The following SLC9C1 variants were observed in gnomAD, a reference collection of about 807,000 sequenced individuals.
SLC9C1 encodes solute carrier family 9 member C1, also known as sodium/hydrogen exchanger 10.
Under a neutral mutation model 140.9 loss-of-function variants are expected in SLC9C1, and 97 were observed. The ratio of observed to expected loss-of-function variants is 0.69; its 90% CI spans 0.58 to 0.82. The LOEUF is 0.82. Ranked by LOEUF, SLC9C1 falls within the 40% of genes least tolerant of loss-of-function variation. The probability of loss-of-function intolerance (pLI) is 0.00; values close to 1 mark genes in which losing one functional copy is unlikely to be tolerated. For missense variants in SLC9C1, 1,340 were observed against 1,389.3 expected (o/e 0.96, Z 0.56); for synonymous variants, 440 against 442.6 (o/e 0.99, Z 0.07).
In SLC9C1 at chr3:112,199,314, GCCTTA is replaced by G. The variant is rs779647963; in HGVS notation, c.2523+2_2523+6del. On this transcript the variant is annotated splice_donor_variant and splice_donor_5th_base_variant and intron_variant, in intron 20 of 28. Coordinates refer to ENST00000305815, the MANE Select transcript of SLC9C1 (RefSeq NM_183061.3). LOFTEE classifies it high-confidence loss of function. ...AATATACTTGCTTTGAAAATATTTT[GCCTTA>G]CCTTATTAATTCCAGCACCTTCAGT... 6.5e-7 allele frequency: 1 copy of G among 1,547,046 alleles called. No homozygotes were observed. Among genetic ancestry groups the G allele is most frequent in the Non-Finnish European group, 8.7e-7 (1 of 1,149,572 alleles).
intron 26 of SLC9C1, among the ~76,000 whole-genome samples, chr3:112,160,125 T>C (rs1465370867): frequency 1.3e-5 from 2 of 151,878 alleles, no homozygotes; most frequent in Non-Finnish European, 2.9e-5. Context: ...TCTAGTTGTT[T>C]TGTAACTATT....
intron 26 of SLC9C1, among the ~76,000 whole-genome samples, chr3:112,163,908 A>G (rs2075384822): frequency 6.6e-6 from 1 of 152,068 alleles, no homozygotes; most frequent in South Asian, 2.1e-4. Context: ...TGGGAGTCTA[A>G]GTCTCTTTGT....
At chr3:112,293,296 A>ATC (rs1362478037) in intron 1 of SLC9C1, among the ~76,000 whole-genome samples, 20 of 147,624 alleles carry the variant, frequency 1.4e-4, no homozygotes, top group Admixed American at 1.2e-3. Flanking sequence ...ATATATATAT[A>ATC]TCTCTCATGT....
intron 15 of SLC9C1, among the ~76,000 whole-genome samples, chr3:112,211,337 C>G (rs1389667903): frequency 1.3e-5 from 2 of 152,184 alleles, no homozygotes; most frequent in Non-Finnish European, 2.9e-5. Context: ...GTTCATCTCA[C>G]TGGGGCTTGT....
At chr3:112,248,338 G>A (rs549902305) in intron 10 of SLC9C1, among the ~76,000 whole-genome samples, 4 of 152,232 alleles carry the variant, frequency 2.6e-5, no homozygotes, top group African/African-American at 9.6e-5. Flanking sequence ...GAGGCACTCA[G>A]TTAATTTATA....
intron 22 of SLC9C1, among the ~76,000 whole-genome samples, chr3:112,180,350 C>T (rs2077416172): frequency 6.6e-6 from 1 of 151,990 alleles, no homozygotes; most frequent in Non-Finnish European, 1.5e-5. Context: ...GGTGAAACCC[C>T]GTTTCCACTA....
chr3:112,218,667 A>G (rs79310601), intron 14 of SLC9C1, among the ~76,000 whole-genome samples: 15,852 of 152,258 alleles, frequency 0.1, 889 homozygotes, highest in East Asian at 0.2. Flanking sequence ...AGGCTGCAGC[A>G]GACTAGTGGG....
intron 10 of SLC9C1, among the ~76,000 whole-genome samples, chr3:112,256,180 C>G (rs2079601550): frequency 6.6e-6 from 1 of 152,068 alleles, no homozygotes; most frequent in Non-Finnish European, 1.5e-5. Context: ...TCTACTTAAA[C>G]TATTCCAAAA....
chr3:112,289,196 T>A lies in SLC9C1; in HGVS notation c.-87-2318A>T, dbSNP rs144448557. 1.5e-3 allele frequency among the ~76,000 whole-genome samples: 226 copies of A among 152,312 alleles called. 1 individual carries two copies. The highest frequency in any genetic ancestry group is 5.2e-3 in the African/African-American group (217 of 41,566). ...TCAGCCAAATGTTACCAGAAATACA[T>A]CTGTAGTTAACAAGTTTTGTTTGTT... On this transcript the variant is annotated intron_variant, in intron 1 of 28. Transcript: ENST00000305815.
In SLC9C1 at chr3:112,181,922, A is replaced by G. The variant is rs180922785; in HGVS notation, c.2649+211T>C. ...ATAAATAGAGTATAGAGGATATGTGACAATGGAAAACAGAAGACAAAGCTG... is the reference window on the plus strand; with the variant it reads ...ATAAATAGAGTATAGAGGATATGTGGCAATGGAAAACAGAAGACAAAGCTG... On this transcript the variant is annotated intron_variant, in intron 21 of 28. Transcript: ENST00000305815. 1.0e-3 allele frequency among the ~76,000 whole-genome samples: 153 copies of G among 152,334 alleles called. 3 individuals are homozygous for G. The East Asian group carries it at 0.013, about 13-fold the overall frequency.
At chr3:112,258,707 A>G (rs1379638981) in intron 10 of SLC9C1, among the ~76,000 whole-genome samples, 2 of 152,022 alleles carry the variant, frequency 1.3e-5, no homozygotes, top group Non-Finnish European at 2.9e-5. Context: ...TGATCCACCC[A>G]CTTCAGCCTC....
intron 14 of SLC9C1, among the ~76,000 whole-genome samples, chr3:112,218,445 ATT>A (rs10537019): frequency 7.0e-6 from 1 of 143,360 alleles, no homozygotes. Flanking sequence ...TTGTATATAT[ATT>A]TTTTTTTTTA....
intron 20 of SLC9C1, among the ~76,000 whole-genome samples, chr3:112,193,801 A>G (rs377451283): frequency 6.6e-6 from 1 of 151,980 alleles, no homozygotes; most frequent in Non-Finnish European, 1.5e-5. Flanking sequence ...GGCCATTTCA[A>G]CAGAGGTTTT....
At chr3:112,287,985 G>T (rs1480888009) in intron 1 of SLC9C1, among the ~76,000 whole-genome samples, 1 of 138,832 alleles carries the variant, frequency 7.2e-6, no homozygotes, top group Non-Finnish European at 1.5e-5. Flanking sequence ...GGAGCTTGCA[G>T]TGAGCCGAGA....
At chr3:112,175,742 C>G (rs1292643638) in intron 23 of SLC9C1, among the ~76,000 whole-genome samples, 2 of 152,222 alleles carry the variant, frequency 1.3e-5, no homozygotes, top group Non-Finnish European at 2.9e-5. Flanking sequence ...CATAGTACTG[C>G]TGAGCAGTGC....
At chr3:112,193,644 G>T (rs910128882) in intron 20 of SLC9C1, among the ~76,000 whole-genome samples, 4 of 152,064 alleles carry the variant, frequency 2.6e-5, no homozygotes, top group Non-Finnish European at 4.4e-5. Context: ...GCAGGCCAGG[G>T]GTATGTCCAT....
In SLC9C1 at chr3:112,141,071, T is replaced by C; in HGVS notation, c.*201A>G. The C allele has an allele frequency of 2.4e-6, 1 of 413,312 alleles. No individual in the cohort carries two copies. Among genetic ancestry groups the C allele is most frequent in the Admixed American group, 4.4e-5 (1 of 22,506 alleles). The allele number at this position is 413,312 out of a possible 1,614,324, so 25.6% of individuals were successfully genotyped here. ...TGTATATTTAAAATAACAAATATTT[T>C]AAATCAAGGAAATTTTGCAAAAAGT... On this transcript the variant is annotated 3_prime_UTR_variant, in exon 29 of 29. Transcript: ENST00000305815.
At chr3:112,176,767 G>T (rs2077344331) in intron 23 of SLC9C1, among the ~76,000 whole-genome samples, 1 of 152,102 alleles carries the variant, frequency 6.6e-6, no homozygotes, top group Admixed American at 6.5e-5. Context: ...AAAACCTCAG[G>T]TATCTAAGAC....
intron 28 of SLC9C1, among the ~76,000 whole-genome samples, chr3:112,146,403 T>C (rs2074797340): frequency 6.6e-6 from 1 of 152,202 alleles, no homozygotes; most frequent in African/African-American, 2.4e-5. Flanking sequence ...GGGGTGAAAT[T>C]AGATTGTTAA....
Sources: gnomAD v4.1 joint callset for allele counts (sites outside exome capture counted in the v4.1 genomes callset) on GRCh38, gnomAD v4.1.1 for gene constraint, MANE v1.5 for transcripts, NCBI Gene and HGNC (gene_info 2026-07-23, HGNC 2026-07-21) for gene names.